The following TRPC6 variants were observed in gnomAD, a reference collection of about 807,000 sequenced individuals.
The protein encoded by TRPC6 is short transient receptor potential channel 6.
In TRPC6, 55 loss-of-function variants were observed where a neutral mutation model predicts 90.7. The observed-to-expected ratio is 0.61, with a 90% CI of 0.49 to 0.76. The LOEUF is 0.76. Among genes scored for constraint, TRPC6 ranks in the 30% least tolerant of loss-of-function variants. The pLI is 0.00. For missense variants in TRPC6, 989 were observed against 1,122.7 expected, an observed-to-expected ratio of 0.88 and a Z score of 1.70; for synonymous variants, 393 against 393.0, an observed-to-expected ratio of 1.00 and a Z score of 0.00.
At chr11:101,471,456 G>C (rs1036806295) in intron 8 of TRPC6, 70 bp from the exon 9 acceptor site, 33 of 1,531,722 alleles carry the variant, frequency 2.2e-5, no homozygotes, top group Non-Finnish European at 3.6e-6. Flanking sequence ...TTTTAACATT[G>C]TGTAGCTAGA....
rs71056630 is a variant in TRPC6, at chr11:101,558,460, TACACACACACAC to T, written c.170+24862_170+24873del. 5.6e-3 allele frequency among the ~76,000 whole-genome samples: 281 copies of T among 50,482 alleles called. 82 individuals are homozygous for T. Among genetic ancestry groups the T allele is most frequent in the African/African-American group, 0.022 (249 of 11,424 alleles). 33.1% of individuals were successfully genotyped at this position (50,482 alleles called of 152,430 possible). A position where few individuals can be genotyped will look rare whatever the true frequency, so the allele number is the denominator to read the frequency against. ...ATACATATATATACACACGCACACA[TACACACACACAC>T]ACACACACACACACACACACACACA... On this transcript the variant is annotated intron_variant, in intron 1 of 12. Coordinates refer to ENST00000344327, the MANE Select transcript of TRPC6 (RefSeq NM_004621.6).
At chr11:101,529,541 G>A (rs900963086) in intron 1 of TRPC6, among the ~76,000 whole-genome samples, 3 of 152,228 alleles carry the variant, frequency 2.0e-5, no homozygotes, top group Non-Finnish European at 4.4e-5. Context: ...GTAAACCAAT[G>A]CTAAAGCCTG....
At chr11:101,453,467 G>C (rs1006577715) in intron 12 of TRPC6, among the ~76,000 whole-genome samples, 183 bp downstream of exon 12, 2 of 152,006 alleles carry the variant, frequency 1.3e-5, no homozygotes, top group African/African-American at 4.8e-5. Context: ...ACCTGTCCCC[G>C]CCTGTGGAGA....
intron 3 of TRPC6, among the ~76,000 whole-genome samples, chr11:101,490,971 T>C (rs541833820): frequency 1.1e-4 from 16 of 152,352 alleles, no homozygotes; most frequent in African/African-American, 3.6e-4. Flanking sequence ...ACAAATGTTT[T>C]AGAATTTGGA....
At chr11:101,511,395 T>C (rs781316839) in intron 1 of TRPC6, among the ~76,000 whole-genome samples, 11 of 152,108 alleles carry the variant, frequency 7.2e-5, no homozygotes, top group African/African-American at 1.2e-4. Flanking sequence ...GAGGGACACA[T>C]TGTAAACTCT....
chr11:101,484,595 A>ATGTGTGTGTGTGTGTG (rs61160203), intron 4 of TRPC6, among the ~76,000 whole-genome samples: 41 of 140,898 alleles, frequency 2.9e-4, no homozygotes, highest in African/African-American at 9.1e-4. Context: ...CTCTCATGCT[A>ATGTGTGTGTGTGTGTG]TGTGTGTGTG....
At chr11:101,489,419 GT>G (rs1859752614) in intron 3 of TRPC6, among the ~76,000 whole-genome samples, 1 of 151,996 alleles carries the variant, frequency 6.6e-6, no homozygotes, top group South Asian at 2.1e-4. Flanking sequence ...TGATTATATA[GT>G]TTTTTCATCT....
At chr11:101,583,117 CGAG>C (rs1403296851) in intron 1 of TRPC6, 1 of 968,410 alleles carries the variant, frequency 1.0e-6, no homozygotes, top group Admixed American at 6.2e-5. Flanking sequence ...TGCGTACCTA[CGAG>C]GAGCAAACCT....
At chr11:101,498,751 A>C (rs529077697) in intron 2 of TRPC6, among the ~76,000 whole-genome samples, 1 of 151,820 alleles carries the variant, frequency 6.6e-6, no homozygotes, top group East Asian at 1.9e-4. Context: ...TAGAATATGG[A>C]TAATTTTTAG....
chr11:101,551,092 G>A (rs1861439271), intron 1 of TRPC6, among the ~76,000 whole-genome samples: 1 of 151,858 alleles, frequency 6.6e-6, no homozygotes, highest in Non-Finnish European at 1.5e-5. Context: ...AGTTTGCTTA[G>A]AGAAAATGCT....
At position 101,491,712 on chromosome 11, in the gene TRPC6, C is replaced by G; in HGVS notation, c.972G>C (p.Gln324His). The G allele has an allele frequency of 1.2e-6, 2 of 1,613,790 alleles. No individual in the cohort carries two copies. Among genetic ancestry groups the G allele is most frequent in the Non-Finnish European group, 1.7e-6 (2 of 1,179,974 alleles). ...FKNDYKKLSM[Q>H]CKDFVVGLLD... ...GGAGTCCAACAACAAAGTCTTTGCA[C>G]TGCATTGACAGTTTTTTGTAGTCAT... is the stretch of plus-strand genomic sequence containing the variant. Residue 324 changes from glutamine to histidine, a missense_variant, in exon 3 of 13, where the codon CAG (glutamine) becomes CAC (histidine). Around this residue, in one of 4 missense-constraint regions of TRPC6, gnomAD observed 486 missense variants for 591.9 expected, o/e 0.82. Transcript: ENST00000344327.
At chr11:101,507,001 T>TAACA (rs1860283895) in intron 1 of TRPC6, among the ~76,000 whole-genome samples, 2 of 130,438 alleles carry the variant, frequency 1.5e-5, no homozygotes, top group Non-Finnish European at 3.2e-5. Flanking sequence ...TCTCTCTCTC[T>TAACA]CTCTAACACA....
At chr11:101,575,021 A>G (rs1862041507) in intron 1 of TRPC6, among the ~76,000 whole-genome samples, 1 of 152,156 alleles carries the variant, frequency 6.6e-6, no homozygotes, top group Non-Finnish European at 1.5e-5. Flanking sequence ...TAGGCAGTCA[A>G]TCTTAACATG....
chr11:101,557,345 ACT>A (rs1456730810), intron 1 of TRPC6, among the ~76,000 whole-genome samples: 4 of 152,176 alleles, frequency 2.6e-5, no homozygotes, highest in Non-Finnish European at 4.4e-5. Context: ...GCAGAGTGAG[ACT>A]CTGTGTCTCA....
At position 101,504,120 on chromosome 11, in the gene TRPC6, C is replaced by T. The variant is rs200701831; in HGVS notation, c.849G>A (p.Pro283=). Residue 283 remains proline, a synonymous_variant, in exon 2 of 13, where the codon CCG becomes CCA. Transcript: ENST00000344327. ...CTTCACTAGACAATGACAGGTAAGC[C>T]GGACTTGCCAGGCCTTTATAGGCAT... The part of the protein sequence containing the change: ...RINAYKGLAS[P]AYLSLSSEDP... The T allele has an allele frequency of 1.2e-5, 20 of 1,613,912 alleles. No homozygotes were observed. The highest frequency in any genetic ancestry group is 1.2e-4 in the South Asian group (11 of 91,076).
intron 5 of TRPC6, 57 bp downstream of exon 5, chr11:101,482,892 A>C: frequency 1.3e-6 from 2 of 1,527,482 alleles, no homozygotes; most frequent in South Asian, 2.2e-5. Flanking sequence ...AATCAGTGTC[A>C]TTCAGTCCAA....
chr11:101,479,239 C>T (rs1468684372), intron 5 of TRPC6, among the ~76,000 whole-genome samples: 1 of 152,262 alleles, frequency 6.6e-6, no homozygotes, highest in East Asian at 1.9e-4. Context: ...TAATTACTGC[C>T]TGGACTGCCG....
chr11:101,548,932 A>G (rs1218133162), intron 1 of TRPC6, among the ~76,000 whole-genome samples: 1 of 151,786 alleles, frequency 6.6e-6, no homozygotes, highest in Non-Finnish European at 1.5e-5. Context: ...AGAGTGTGCA[A>G]GGAAATGTCA....
intron 1 of TRPC6, among the ~76,000 whole-genome samples, chr11:101,559,646 T>C (rs943135583): frequency 1.3e-5 from 2 of 150,178 alleles, no homozygotes; most frequent in South Asian, 4.2e-4. Flanking sequence ...TTTTTTTTTT[T>C]ATTATACTTT....
Sources: gnomAD v4.1 joint callset for allele counts (sites outside exome capture counted in the v4.1 genomes callset) on GRCh38, gnomAD v4.1.1 for gene constraint, gnomAD v4.1.1 regional missense constraint, MANE v1.5 for transcripts, NCBI Gene and HGNC (gene_info 2026-07-23, HGNC 2026-07-21) for gene names.